The following RDH12 variants were observed in gnomAD, a reference collection of about 807,000 sequenced individuals.
The protein encoded by RDH12 is all-trans and 9-cis retinol dehydrogenase.
Under a neutral mutation model 34.0 loss-of-function variants are expected in RDH12, and 21 were observed. The ratio of observed to expected loss-of-function variants is 0.62; its 90% CI spans 0.44 to 0.89. RDH12 has a LOEUF of 0.89. RDH12 is among the 40% of genes least tolerant of loss of function. The probability of loss-of-function intolerance (pLI) is 0.00; values close to 1 mark genes in which losing one functional copy is unlikely to be tolerated. For missense variants in RDH12, 394 were observed against 398.6 expected (o/e 0.99, Z 0.10); for synonymous variants, 198 against 169.9 (o/e 1.17, Z -1.29).
intron 2 of RDH12, among the ~76,000 whole-genome samples, chr14:67,721,742 T>TATATATATATATATATGTATAACAC (rs1555390133): frequency 0.052 from 49 of 944 alleles, no homozygotes; most frequent in Admixed American, 0.35. Context: ...AGTGGGGATA[T>TATATATATATATATATGTATAACAC]ATATATATAT....
At chr14:67,709,825 A>T (rs1003484146) in intron 1 of RDH12, among the ~76,000 whole-genome samples, 5 of 152,188 alleles carry the variant, frequency 3.3e-5, no homozygotes, top group African/African-American at 9.7e-5. Context: ...ACTTTAAAAG[A>T]GCATAAAGAG....
chr14:67,713,030 T>C (rs1029579673), intron 1 of RDH12, among the ~76,000 whole-genome samples: 9 of 151,980 alleles, frequency 5.9e-5, no homozygotes, highest in Non-Finnish European at 1.3e-4. Context: ...TTGGATAGAA[T>C]TGATGAAACC....
intron 1 of RDH12, among the ~76,000 whole-genome samples, chr14:67,719,053 C>CA (rs1379820990): frequency 6.6e-6 from 1 of 152,210 alleles, no homozygotes; most frequent in African/African-American, 2.4e-5. Flanking sequence ...ACATCTGTTA[C>CA]AAGTTGGAAT....
At chr14:67,710,055 A>G (rs2037993523) in intron 1 of RDH12, among the ~76,000 whole-genome samples, 2 of 152,194 alleles carry the variant, frequency 1.3e-5, no homozygotes, top group Admixed American at 6.5e-5. Flanking sequence ...CTCCCCACTT[A>G]GAGTCTTCCT....
At position 67,724,671 on chromosome 14, in the gene RDH12, G is replaced by C. The variant is rs2038164637; in HGVS notation, c.187+80G>C. The stretch of plus-strand genomic sequence containing the variant: ...CTGGGGCCTCTGTCCATATTGCTTT[G>C]TGTTTCCTCCTAGGCTTGGGGGCTC... On this transcript the variant is annotated intron_variant, in intron 4 of 8. Transcript: ENST00000551171. 6 of 1,106,326 alleles carry C rather than the reference G, an allele frequency of 5.4e-6. No individual in the cohort carries two copies. The Admixed American group carries it at 1.0e-4, about 19-fold the overall frequency. 68.5% of individuals were successfully genotyped at this position (1,106,326 alleles called of 1,614,324 possible).
At chr14:67,721,789 C>T (rs1203237542) in intron 2 of RDH12, among the ~76,000 whole-genome samples, 1 of 148,626 alleles carries the variant, frequency 6.7e-6, no homozygotes, top group African/African-American at 2.5e-5. Flanking sequence ...TATATAAAAC[C>T]ATATATTATA....
At chr14:67,707,747 G>A (rs747362840) in intron 1 of RDH12, among the ~76,000 whole-genome samples, 30 of 152,346 alleles carry the variant, frequency 2.0e-4, no homozygotes, top group South Asian at 6.2e-4. Flanking sequence ...GAGCCCAGCC[G>A]TGGATTTGTG....
At chr14:67,729,655 G>T (rs143792801) in intron 8 of RDH12, 2 of 599,680 alleles carry the variant, frequency 3.3e-6, no homozygotes, top group South Asian at 3.3e-5. Context: ...GAAGACTGTC[G>T]CTGTTGGTTA....
intron 8 of RDH12, among the ~76,000 whole-genome samples, chr14:67,730,831 T>C (rs1785451065): frequency 6.6e-6 from 1 of 152,198 alleles, no homozygotes; most frequent in African/African-American, 2.4e-5. Context: ...CTTGAACTCC[T>C]GACGTCAGTT....
At chr14:67,709,650 A>C (rs1459450843) in intron 1 of RDH12, among the ~76,000 whole-genome samples, 1 of 152,132 alleles carries the variant, frequency 6.6e-6, no homozygotes, top group African/African-American at 2.4e-5. Flanking sequence ...TAATAGCTTT[A>C]ATTTCTGGCC....
intron 2 of RDH12, among the ~76,000 whole-genome samples, chr14:67,721,785 A>T (rs1241757171): frequency 1.3e-5 from 2 of 150,344 alleles, no homozygotes; most frequent in African/African-American, 2.4e-5. Context: ...TATATATATA[A>T]AACCATATAT....
Position 67,733,780 on chromosome 14 carries a change from C to G in RDH12, c.883C>G (p.Arg295Gly). 2 of 1,613,178 alleles carry G rather than the reference C, an allele frequency of 1.2e-6. No homozygotes were observed. Among genetic ancestry groups the G allele is most frequent in the African/African-American group, 1.3e-5 (1 of 74,968 alleles). The change falls in exon 9 of 9, where the codon CGA becomes GGA. Residue 295 changes from arginine (R) to glycine (G), a missense_variant. Physicochemically the swap from Arg to Gly is moderately radical, Grantham distance 125 (BLOSUM62 -2). Transcript: ENST00000551171. ...CKRTWVSPRA[R>G]NNKTAERLWN... ...GAGGACCTGGGTGTCTCCAAGGGCC[C>G]GAAATAACAAAACAGCTGAGCGCCT...
At position 67,727,110 on chromosome 14, in the gene RDH12, G is replaced by A. The variant is rs567973980; in HGVS notation, c.578G>A (p.Arg193His). The A allele has an allele frequency of 1.4e-5, 22 of 1,614,182 alleles. No homozygotes were observed. Among genetic ancestry groups the A allele is most frequent in the East Asian group, 6.7e-5 (3 of 44,888 alleles). The change falls in exon 7 of 9, where the codon CGC (arginine) becomes CAC (histidine). Residue 193 changes from arginine (R) to histidine (H), a missense_variant. By Grantham distance (29) the Arg-to-His change is conservative (BLOSUM62 0). Coordinates refer to ENST00000551171, the MANE Select transcript of RDH12 (RefSeq NM_152443.3). ...TTCCACGACCTCCAGAGCGAGAAGC[G>A]CTACAGCAGGGGTTTTGCCTATTGC... The part of the protein sequence containing the change: ...IPFHDLQSEK[R>H]YSRGFAYCHS...
At chr14:67,716,207 A>AG (rs2038068512) in intron 1 of RDH12, among the ~76,000 whole-genome samples, 1 of 151,886 alleles carries the variant, frequency 6.6e-6, no homozygotes, top group Non-Finnish European at 1.5e-5. Context: ...AAAAAAAAAA[A>AG]AAAGAAAAGA....
At chr14:67,725,959 T>G (rs772075301) in intron 5 of RDH12, 92 bp from the exon 6 acceptor site, 15 of 876,422 alleles carry the variant, frequency 1.7e-5, no homozygotes, top group Non-Finnish European at 2.9e-5. Flanking sequence ...AGACAACTAA[T>G]GAACAAAGGG....
At chr14:67,708,051 G>T (rs550800328) in intron 1 of RDH12, among the ~76,000 whole-genome samples, 6 of 152,144 alleles carry the variant, frequency 3.9e-5, no homozygotes, top group African/African-American at 1.4e-4. Context: ...CTGCACTTAC[G>T]TAAATAGCTG....
At chr14:67,726,016 G>T in intron 5 of RDH12, 35 bp from the exon 6 acceptor site, 2 of 1,468,090 alleles carry the variant, frequency 1.4e-6, no homozygotes, top group South Asian at 1.1e-5. Context: ...GGGACTCCTT[G>T]CTAACCATAG....
At chr14:67,724,406 T>TAAAG in intron 3 of RDH12, 67 bp from the exon 4 acceptor site, 1 of 1,084,218 alleles carries the variant, frequency 9.2e-7, no homozygotes, top group Non-Finnish European at 1.4e-6. Flanking sequence ...TTTTTTTTTT[T>TAAAG]TTTAACGTAT....
chr14:67,720,585 C>T (rs1025164236), intron 1 of RDH12, among the ~76,000 whole-genome samples: 1 of 152,154 alleles, frequency 6.6e-6, no homozygotes, highest in African/African-American at 2.4e-5. Context: ...CTGTCCCTTC[C>T]ACTGATTTGA....
Sources: gnomAD v4.1 joint callset for allele counts (sites outside exome capture counted in the v4.1 genomes callset) on GRCh38, gnomAD v4.1.1 for gene constraint, MANE v1.5 for transcripts, NCBI Gene and HGNC (gene_info 2026-07-23, HGNC 2026-07-21) for gene names.